The following G6PC1 variants were observed in gnomAD, a reference collection of about 807,000 sequenced individuals.
The protein encoded by G6PC1 is G-6-Pase.
G6PC1 carries 23 observed loss-of-function variants against 30.4 expected under a neutral mutation model. The observed-to-expected ratio is 0.76, with a 90% CI of 0.55 to 1.07. G6PC1 has a LOEUF of 1.07. G6PC1 is among the 50% of genes least tolerant of loss of function. G6PC1 has a pLI of 0.00. For missense variants in G6PC1, 391 were observed against 433.9 expected (o/e 0.90, Z 0.88); for synonymous variants, 163 against 175.6 (o/e 0.93, Z 0.57).
chr17:42,903,949 T>C lies in G6PC1; in HGVS notation c.249T>C (p.Arg83=), dbSNP rs779176162. Residue 83 remains arginine, a synonymous_variant, in exon 2 of 5, where the codon CGT becomes CGC. Coordinates refer to ENST00000253801, the MANE Select transcript of G6PC1 (RefSeq NM_000151.4). ...TCCATAGGATTCTCTTTGGACAGCG[T>C]CCATACTGGTGGGTTTTGGATACTG... ...LVFKWILFGQ[R]PYWWVLDTDY... 5 of 1,613,156 alleles carry C rather than the reference T, an allele frequency of 3.1e-6. No homozygotes were observed. Among genetic ancestry groups the C allele is most frequent in the Non-Finnish European group, 4.2e-6 (5 of 1,179,120 alleles).
At chr17:42,910,817 C>A in intron 4 of G6PC1, 98 bp from the exon 5 acceptor site, 2 of 1,156,604 alleles carry the variant, frequency 1.7e-6, no homozygotes, top group Non-Finnish European at 2.6e-6. Context: ...ATTCCACAGT[C>A]GCAGAACGGA....
chr17:42,910,897 A>G lies in G6PC1; in HGVS notation c.563-18A>G, dbSNP rs1204439556. ...CAAATCCTTCCTATCTCTCACAGTCATGCTTTCTTCCACTCAGGCATTGCT... is the reference window on the plus strand; with the variant it reads ...CAAATCCTTCCTATCTCTCACAGTCGTGCTTTCTTCCACTCAGGCATTGCT... On this transcript the variant is annotated intron_variant, in intron 4 of 4. Coordinates refer to ENST00000253801, the MANE Select transcript of G6PC1 (RefSeq NM_000151.4). 3 of 1,613,784 alleles carry G rather than the reference A, an allele frequency of 1.9e-6. No homozygotes were observed. Among genetic ancestry groups the G allele is most frequent in the African/African-American group, 2.7e-5 (2 of 74,944 alleles).
chr17:42,904,129 G>C lies in G6PC1; in HGVS notation c.340+89G>C, dbSNP rs1334061892. Reference sequence around the variant, plus strand: ...CTGACCTTGAGGGGACATGAGGAGAGCCATTCCTTTGTACTTTTGTCATGC... The same window carrying C: ...CTGACCTTGAGGGGACATGAGGAGACCCATTCCTTTGTACTTTTGTCATGC... On this transcript the variant is annotated intron_variant, in intron 2 of 4. Coordinates refer to ENST00000253801, the MANE Select transcript of G6PC1 (RefSeq NM_000151.4). 5.7e-6 allele frequency: 5 copies of C among 872,778 alleles called. No homozygotes were observed. In the East Asian group the frequency reaches 9.7e-5, roughly 17 times the overall value. The allele number at this position is 872,778 out of a possible 1,614,324, so 54.1% of individuals were successfully genotyped here.
At chr17:42,901,313 C>T (rs2056024742) in intron 1 of G6PC1, among the ~76,000 whole-genome samples, 1 of 152,128 alleles carries the variant, frequency 6.6e-6, no homozygotes, top group African/African-American at 2.4e-5. Context: ...ACAGGAAAGC[C>T]TATTTCATAT....
chr17:42,904,232 C>A, intron 2 of G6PC1, 192 bp downstream of exon 2: 1 of 592,238 alleles, frequency 1.7e-6, no homozygotes, highest in Non-Finnish European at 3.1e-6. Context: ...CTGCCTATTA[C>A]AGAACCTGGA....
intron 3 of G6PC1, among the ~76,000 whole-genome samples, chr17:42,908,442 T>C (rs113979280): frequency 0.1 from 15,718 of 150,746 alleles, 1,066 homozygotes; most frequent in African/African-American, 0.17. Flanking sequence ...AATCTCGCTC[T>C]GTTGCCCAGG....
chr17:42,900,979 G>A lies in G6PC1; in HGVS notation c.103G>A (p.Val35Met), dbSNP rs757798234. Reference sequence around the variant, plus strand: ...CCAGGACTGGTTCATCTTGGTGTCCGTGATCGCAGACCTCAGGAATGCCTT... The same window carrying A: ...CCAGGACTGGTTCATCTTGGTGTCCATGATCGCAGACCTCAGGAATGCCTT... ...DSQDWFILVS[V>M]IADLRNAFYV... The change falls in exon 1 of 5, where the codon GTG becomes ATG. Residue 35 changes from valine (V) to methionine (M), a missense_variant. Transcript: ENST00000253801. The A allele has an allele frequency of 1.5e-5, 25 of 1,614,060 alleles. No homozygotes were observed. The highest frequency in any genetic ancestry group is 2.7e-5 in the African/African-American group (2 of 74,922).
Position 42,909,423 on chromosome 17 carries a change from G to T in G6PC1, c.562+5G>T. 1 of 1,599,904 alleles carries T rather than the reference G, an allele frequency of 6.3e-7. No homozygotes were observed. Among genetic ancestry groups the T allele is most frequent in the South Asian group, 1.1e-5 (1 of 90,762 alleles). On this transcript the variant is annotated splice_donor_5th_base_variant and intron_variant, in intron 4 of 4. Transcript: ENST00000253801. ...TTGTTGCTGGAGTCCTGTCAGGTAT[G>T]GGCTGATCTGACTCCCTTCCTTCTC...
rs372612424 is a variant in G6PC1 at position 42,911,306 on chromosome 17, C to A, written c.954C>A (p.Val318=). Residue 318 remains valine (V), a synonymous_variant, in exon 5 of 5, where the codon GTC becomes GTA. Transcript: ENST00000253801. ...ACTCCTTGAAACCCCCATCCCAAGT[C>A]GAGCTGGTCTTCTACGTCTTGTCCT... The part of the protein sequence containing the change: ...VFDSLKPPSQ[V]ELVFYVLSFC... 6.2e-6 allele frequency: 10 copies of A among 1,614,074 alleles called. No homozygotes were observed. In the Admixed American group the frequency reaches 1.0e-4, roughly 16 times the overall value.
intron 2 of G6PC1, among the ~76,000 whole-genome samples, chr17:42,905,928 C>A (rs921836054): frequency 2.6e-5 from 4 of 151,900 alleles, no homozygotes; most frequent in Non-Finnish European, 5.9e-5. Flanking sequence ...CGCCTGTAAT[C>A]CCAGCTACCC....
chr17:42,904,194 T>G, intron 2 of G6PC1, 154 bp downstream of exon 2: 1 of 689,890 alleles, frequency 1.4e-6, no homozygotes, highest in Non-Finnish European at 2.7e-6. Flanking sequence ...TGCAATACTT[T>G]CCTGAATAGC....
chr17:42,908,702 G>C (rs1486633220), intron 3 of G6PC1, among the ~76,000 whole-genome samples: 1 of 135,740 alleles, frequency 7.4e-6, no homozygotes, highest in Non-Finnish European at 1.5e-5. Context: ...ACCGCGCCTG[G>C]CCTTTTTTTT....
At chr17:42,910,813 C>G in intron 4 of G6PC1, 102 bp from the exon 5 acceptor site, 3 of 1,122,210 alleles carry the variant, frequency 2.7e-6, no homozygotes, top group Non-Finnish European at 4.0e-6. Flanking sequence ...TTTAATTCCA[C>G]AGTCGCAGAA....
At position 42,903,809 on chromosome 17, in the gene G6PC1, C is replaced by T. The variant is rs2056041816; in HGVS notation, c.231-122C>T. Reference sequence around the variant, plus strand: ...CCTCTCACACTTCTCCCCAGCCACCCAGTTCTCCCTTCTAGAGGCAACATG... The same window carrying T: ...CCTCTCACACTTCTCCCCAGCCACCTAGTTCTCCCTTCTAGAGGCAACATG... On this transcript the variant is annotated intron_variant, in intron 1 of 4. Transcript: ENST00000253801. 3.2e-5 allele frequency: 24 copies of T among 740,330 alleles called. No individual in the cohort carries two copies. The East Asian group carries it at 6.1e-4, about 19-fold the overall frequency. 45.9% of individuals were successfully genotyped at this position (740,330 alleles called of 1,614,324 possible). A position where few individuals can be genotyped will look rare whatever the true frequency, so the allele number is the denominator to read the frequency against.
intron 1 of G6PC1, among the ~76,000 whole-genome samples, chr17:42,902,973 T>C (rs2056036104): frequency 6.6e-6 from 1 of 151,716 alleles, no homozygotes; most frequent in Admixed American, 6.6e-5. Flanking sequence ...CCATGGTATA[T>C]GCAAGTCCAA....
At chr17:42,901,129 A>G (rs768877181) in intron 1 of G6PC1, 23 bp downstream of exon 1, 6 of 1,587,654 alleles carry the variant, frequency 3.8e-6, no homozygotes, top group Non-Finnish European at 5.2e-6. Context: ...TAGAGAGGAG[A>G]TCAGCAAGAA....
Position 42,909,403 on chromosome 17 carries a change from GC to G in G6PC1, c.548del (p.Ala183ValfsTer50). 6.2e-7 allele frequency: 1 copy of G among 1,613,794 alleles called. No homozygotes were observed. The highest frequency in any genetic ancestry group is 8.5e-7 in the Non-Finnish European group (1 of 1,179,732). ...TGCTCATTTTCCTCATCAAGTTGTT[GC>G]TGGAGTCCTGTCAGGTATGGGCTGA... ...LAAHFPHQVV[A>X]GVLSGIAVAE... On this transcript the variant is annotated frameshift_variant, in exon 4 of 5. Coordinates refer to ENST00000253801, the MANE Select transcript of G6PC1 (RefSeq NM_000151.4). LOFTEE classifies it low-confidence loss of function (END_TRUNC).
intron 2 of G6PC1, 32 bp from the exon 3 acceptor site, chr17:42,907,491 A>C: frequency 6.7e-7 from 1 of 1,503,710 alleles, no homozygotes; most frequent in South Asian, 1.1e-5. Context: ...GGACCTTTTC[A>C]CCTTTACTCC....
chr17:42,910,649 C>G (rs990777231), intron 4 of G6PC1, among the ~76,000 whole-genome samples: 5 of 152,132 alleles, frequency 3.3e-5, no homozygotes, highest in Non-Finnish European at 7.4e-5. Flanking sequence ...GAGGGTATTT[C>G]AAGTAGAGAT....
Sources: allele counts gnomAD v4.1 joint callset (sites outside exome capture counted in the v4.1 genomes callset), GRCh38; gene constraint gnomAD v4.1.1; transcripts MANE v1.5; gene names NCBI Gene and HGNC (gene_info 2026-07-23, HGNC 2026-07-21).